The following GOLGA8O variants were observed in gnomAD, a reference collection of about 807,000 sequenced individuals.
GOLGA8O encodes the protein golgin A8 family member O, also known as golgin subfamily A member 8O.
In GOLGA8O, 4 loss-of-function variants were observed where a neutral mutation model predicts 29.7. The observed-to-expected ratio is 0.13, with a 90% confidence interval of 0.07 to 0.31. The LOEUF is 0.31. Among genes scored for constraint, GOLGA8O ranks in the 10% least tolerant of loss-of-function variants. GOLGA8O has a pLI of 1.00. For synonymous variants in GOLGA8O, 6 were observed against 78.0 expected (o/e 0.08, Z 4.87); for missense variants, 32 against 216.5 (o/e 0.15, Z 5.35).
intron 8 of GOLGA8O, among the ~76,000 whole-genome samples, chr15:32,450,518 T>TACACACACACACACACAC (rs376032409): frequency 9.2e-4 from 121 of 131,930 alleles, no homozygotes; most frequent in East Asian, 1.2e-3. Flanking sequence ...TCACAGTATG[T>TACACACACACACACACAC]ACACACACAC....
Position 32,450,948 on chromosome 15 carries a change from C to G in GOLGA8O, c.556G>C (p.Ala186Pro). ...CKGELESALSAVIATEKKKAN... is the reference protein window; with the variant it reads ...CKGELESALSPVIATEKKKAN... The stretch of plus-strand genomic sequence containing the variant: ...TTCTTCTTCTCTGTGGCGATGACAG[C>G]AGACAGAGCGCTCTCTAACTCTCCT... The change falls in exon 8 of 19, where the codon GCT becomes CCT. Residue 186 changes from alanine (A) to proline (P), a missense_variant. Coordinates refer to ENST00000509311, the MANE Select transcript of GOLGA8O (RefSeq NM_001277308.1). 7.2e-7 allele frequency: 1 copy of G among 1,397,244 alleles called. No homozygotes were observed. Among genetic ancestry groups the G allele is most frequent in the Non-Finnish European group, 9.7e-7 (1 of 1,034,842 alleles). 86.6% of individuals were successfully genotyped at this position (1,397,244 alleles called of 1,614,324 possible). A position where few individuals can be genotyped will look rare whatever the true frequency, so the allele number is the denominator to read the frequency against.
In GOLGA8O at chr15:32,452,241, G is replaced by A. The variant is rs1315184406; in HGVS notation, c.309+250C>T. 1.8e-4 allele frequency among the ~76,000 whole-genome samples: 4 copies of A among 22,086 alleles called. No individual in the cohort carries two copies. In the South Asian group the frequency reaches 5.3e-3, roughly 29 times the overall value. 14.5% of individuals were successfully genotyped at this position (22,086 alleles called of 152,430 possible). ...AGTCAGGCTAGCACTTCCCCAAGAG[G>A]CAACAACCCCAGGGCGTGTGTAGCA... On this transcript the variant is annotated intron_variant, in intron 4 of 18. Coordinates refer to ENST00000509311, the MANE Select transcript of GOLGA8O (RefSeq NM_001277308.1).
rs1302203113 is a variant in GOLGA8O at position 32,444,248 on chromosome 15, CACAGTCAACGATGGGA to C, written c.*842_*857del. Among the ~76,000 whole-genome samples, 1 of 129,546 alleles carries C rather than the reference CACAGTCAACGATGGGA, an allele frequency of 7.7e-6. No individual in the cohort carries two copies. Among genetic ancestry groups the C allele is most frequent in the African/African-American group, 2.6e-5 (1 of 37,798 alleles). 85.0% of individuals were successfully genotyped at this position (129,546 alleles called of 152,430 possible). ...TAAGCTAGGAAAGGTTTTCCACATC[CACAGTCAACGATGGGA>C]ACCTTTCATTCCTCAGAAATAAGCC... On this transcript the variant is annotated 3_prime_UTR_variant, in exon 19 of 19. Coordinates refer to ENST00000509311, the MANE Select transcript of GOLGA8O (RefSeq NM_001277308.1).
chr15:32,451,507 C>A lies in GOLGA8O; in HGVS notation c.348+94G>T, dbSNP rs115867795. 3,875 of 1,595,248 alleles carry A rather than the reference C, an allele frequency of 2.4e-3. 408 individuals carry two copies. In the African/African-American group the frequency reaches 0.042, roughly 17 times the overall value. ...AATCTGAGGGGTGAGCCTTCTTCCC[C>A]AAGCTGGGAGTGGGTGAGACGAGAC... On this transcript the variant is annotated intron_variant, in intron 5 of 18. Transcript: ENST00000509311.
Position 32,445,578 on chromosome 15 carries a change from A to ACCCCCC in GOLGA8O, c.1567+39_1567+40insGGGGGG. 1.7e-3 allele frequency: 6 copies of ACCCCCC among 3,484 alleles called. 1 individual carries two copies. The highest frequency in any genetic ancestry group is 2.8e-3 in the Non-Finnish European group (5 of 1,798). 0.2% of individuals were successfully genotyped at this position (3,484 alleles called of 1,614,324 possible). On this transcript the variant is annotated intron_variant, in intron 17 of 18. Transcript: ENST00000509311. ...GCTGCCTGCGCCCACCCTCACACCC[A>ACCCCCC]CCCCCACCCCCACCCCCACAGAGAT...
chr15:32,450,642 G>A (rs1422625644), intron 8 of GOLGA8O, among the ~76,000 whole-genome samples: 2 of 151,962 alleles, frequency 1.3e-5, no homozygotes, highest in African/African-American at 4.8e-5. Flanking sequence ...CCCCACCTAG[G>A]ACTTGCCCAA....
chr15:32,445,784 G>T lies in GOLGA8O; in HGVS notation c.1469+14C>A, dbSNP rs762518126. On this transcript the variant is annotated intron_variant, in intron 16 of 18. Coordinates refer to ENST00000509311, the MANE Select transcript of GOLGA8O (RefSeq NM_001277308.1). ...TCTGTAGCTCCCCCTGCCGTGCCCT[G>T]GCCTCCCACTCACTGATGGCATCTC... 2.4e-6 allele frequency: 2 copies of T among 848,738 alleles called. 1 individual carries two copies. The highest frequency in any genetic ancestry group is 6.8e-5 in the East Asian group (2 of 29,602). 52.6% of individuals were successfully genotyped at this position (848,738 alleles called of 1,614,324 possible). A position where few individuals can be genotyped will look rare whatever the true frequency, so the allele number is the denominator to read the frequency against.
At chr15:32,446,446 A>G (rs1444135887) in intron 15 of GOLGA8O, 28 bp downstream of exon 15, 1 of 1,563,076 alleles carries the variant, frequency 6.4e-7, no homozygotes, top group African/African-American at 1.6e-5. Context: ...AAGGTGGCAA[A>G]ATGGGTGCAG....
At chr15:32,459,348 G>C (rs2055213252), upstream of GOLGA8O, among the ~76,000 whole-genome samples, 1 of 113,366 alleles carries the variant, frequency 8.8e-6, no homozygotes, top group East Asian at 2.7e-4. Flanking sequence ...AGATATTTAA[G>C]GAAAGGCTTT....
chr15:32,451,482 A>G (rs1290903294), intron 5 of GOLGA8O, 119 bp downstream of exon 5: 1 of 1,549,546 alleles, frequency 6.5e-7, no homozygotes, highest in Non-Finnish European at 8.8e-7. Context: ...GATGGGGTGG[A>G]ATCTGAGGGG....
At chr15:32,458,837 G>T (rs1235665534), upstream of GOLGA8O, among the ~76,000 whole-genome samples, 1 of 96,258 alleles carries the variant, frequency 1.0e-5, no homozygotes, top group Non-Finnish European at 2.2e-5. Context: ...TGTAAAGATG[G>T]GGTCTCACTA....
chr15:32,457,334 AT>A (rs1229520382), upstream of GOLGA8O, among the ~76,000 whole-genome samples: 12 of 100,712 alleles, frequency 1.2e-4, no homozygotes, highest in Middle Eastern at 0.016. Flanking sequence ...CAAAGTGTTC[AT>A]TTTTTTTTAA....
upstream of GOLGA8O, among the ~76,000 whole-genome samples, chr15:32,459,316 C>A: frequency 9.9e-6 from 1 of 100,536 alleles, no homozygotes; most frequent in South Asian, 3.6e-4. Flanking sequence ...AAAAAGACTA[C>A]AAATGATAAG....
upstream of GOLGA8O, among the ~76,000 whole-genome samples, chr15:32,458,360 G>A (rs200753198): frequency 4.2e-5 from 4 of 94,998 alleles, 1 homozygote; most frequent in East Asian, 1.2e-3. Flanking sequence ...AGCCCGGATA[G>A]AGAACACATT....
Position 32,451,121 on chromosome 15 carries a change from CA to C in GOLGA8O, c.477del (p.Phe159LeufsTer22). ...GACAGGGTGCCCAGATTCCCACCTT[CA>C]AAGTATCTGAGAGAACGTTCCATGT... ...LYHMERSLRY[F>X]EEESKDLAVR... On this transcript the variant is annotated frameshift_variant, in exon 7 of 19. Coordinates refer to ENST00000509311, the MANE Select transcript of GOLGA8O (RefSeq NM_001277308.1). LOFTEE classifies it high-confidence loss of function. 1 of 916,710 alleles carries C rather than the reference CA, an allele frequency of 1.1e-6. No homozygotes were observed. The highest frequency in any genetic ancestry group is 1.6e-6 in the Non-Finnish European group (1 of 609,840). 56.8% of individuals were successfully genotyped at this position (916,710 alleles called of 1,614,324 possible). A position where few individuals can be genotyped will look rare whatever the true frequency, so the allele number is the denominator to read the frequency against.
upstream of GOLGA8O, among the ~76,000 whole-genome samples, chr15:32,458,533 G>T (rs2055205660): frequency 9.2e-6 from 1 of 108,380 alleles, no homozygotes; most frequent in African/African-American, 3.6e-5. Context: ...AGGGATGGAG[G>T]ATAACAATTA....
rs761379215 is a variant in GOLGA8O, at chr15:32,452,555, C to A, written c.245G>T (p.Arg82Leu). ...LKDLESPCQE[R>L]AVVLDSTSVK... ...GGACGTTGAATCCAGGACTACTGCTCGTTCTTGGCACGGGCTCTGAGGTGC... is the reference window on the plus strand; with the variant it reads ...GGACGTTGAATCCAGGACTACTGCTAGTTCTTGGCACGGGCTCTGAGGTGC... Residue 82 changes from arginine (R) to leucine (L), a missense_variant, in exon 4 of 19, where the codon CGA becomes CTA. Physicochemically the swap from Arg to Leu is moderately radical, Grantham distance 102. Coordinates refer to ENST00000509311, the MANE Select transcript of GOLGA8O (RefSeq NM_001277308.1). The A allele has an allele frequency of 1.6e-5, 17 of 1,039,080 alleles. No homozygotes were observed. In the Admixed American group the frequency reaches 1.9e-4, roughly 12 times the overall value. 64.4% of individuals were successfully genotyped at this position (1,039,080 alleles called of 1,614,324 possible).
At chr15:32,454,509 AC>A (rs1459661405) in intron 1 of GOLGA8O, among the ~76,000 whole-genome samples, 1 of 147,594 alleles carries the variant, frequency 6.8e-6, no homozygotes, top group East Asian at 2.0e-4. Flanking sequence ...GTTCTATTCC[AC>A]AGAAGATGAG....
At chr15:32,446,271 A>G (rs2055076182) in intron 15 of GOLGA8O, among the ~76,000 whole-genome samples, 1 of 131,000 alleles carries the variant, frequency 7.6e-6, no homozygotes, top group Non-Finnish European at 1.7e-5. Flanking sequence ...GAAATGGGGC[A>G]GAGAGGTGGA....
Sources: allele counts gnomAD v4.1 joint callset (sites outside exome capture counted in the v4.1 genomes callset), GRCh38; gene constraint gnomAD v4.1.1; transcripts MANE v1.5; gene names NCBI Gene and HGNC (gene_info 2026-07-23, HGNC 2026-07-21).